The following ME3 variants were observed in gnomAD, a reference collection of about 807,000 sequenced individuals.
The protein encoded by ME3 is NADP-dependent malic enzyme, mitochondrial.
In ME3, 48 loss-of-function variants were observed where a neutral mutation model predicts 68.9. The ratio of observed to expected loss-of-function variants is 0.70; its 90% confidence interval spans 0.55 to 0.89. ME3 has a LOEUF of 0.89. Ranked by LOEUF, ME3 falls within the 40% of genes least tolerant of loss-of-function variation. The probability of loss-of-function intolerance (pLI) is 0.00; values close to 1 mark genes in which losing one functional copy is unlikely to be tolerated. For synonymous variants in ME3, 320 were observed against 318.8 expected, an observed-to-expected ratio of 1.00 and a Z score of -0.04; for missense variants, 675 against 797.4, an observed-to-expected ratio of 0.85 and a Z score of 1.85.
At chr11:86,612,036 T>C (rs150654741) in intron 2 of ME3, among the ~76,000 whole-genome samples, 3,677 of 152,234 alleles carry the variant, frequency 0.024, 132 homozygotes, top group African/African-American at 0.079. Context: ...GCTGCACCTA[T>C]TGACCCATCC....
chr11:86,649,421 T>C (rs1945250269), intron 2 of ME3, among the ~76,000 whole-genome samples: 1 of 152,204 alleles, frequency 6.6e-6, no homozygotes, highest in Admixed American at 6.5e-5. Context: ...GGATGCCCTC[T>C]CTCACCACTC....
exon 4 of ME3, chr11:86,556,699 G>A: frequency 1.9e-6 from 3 of 1,613,984 alleles, no homozygotes; most frequent in Non-Finnish European, 1.7e-6. Context: ...TGAGAATGAT[G>A]TACCTTGTAA....
chr11:86,547,381 C>T (rs1004582190), intron 4 of ME3, among the ~76,000 whole-genome samples: 3 of 147,242 alleles, frequency 2.0e-5, no homozygotes, highest in African/African-American at 7.5e-5. Flanking sequence ...AACACAGGAA[C>T]AGAAAACCAA....
chr11:86,461,702 C>T (rs1024406500), intron 8 of ME3, among the ~76,000 whole-genome samples: 2 of 152,180 alleles, frequency 1.3e-5, no homozygotes, highest in South Asian at 2.1e-4. Context: ...TGCTGACAGC[C>T]TTGCTGTCAG....
At chr11:86,643,156 TA>T (rs1326087251) in intron 2 of ME3, among the ~76,000 whole-genome samples, 1 of 152,176 alleles carries the variant, frequency 6.6e-6, no homozygotes, top group African/African-American at 2.4e-5. Context: ...TCATAGGGAA[TA>T]AATTCCTTCT....
At chr11:86,542,718 G>A (rs1956121679) in intron 4 of ME3, among the ~76,000 whole-genome samples, 1 of 152,166 alleles carries the variant, frequency 6.6e-6, no homozygotes, top group African/African-American at 2.4e-5. Context: ...GAACCAAGTT[G>A]GAAAACACTC....
intron 8 of ME3, among the ~76,000 whole-genome samples, chr11:86,452,383 T>C (rs772970555): frequency 2.0e-5 from 3 of 152,222 alleles, no homozygotes; most frequent in East Asian, 1.9e-4. Flanking sequence ...GGGAGGACTA[T>C]GTCTGAAGCT....
chr11:86,565,789 C>T (rs1957451733), intron 2 of ME3, among the ~76,000 whole-genome samples: 1 of 152,112 alleles, frequency 6.6e-6, no homozygotes. Context: ...TTGGCAGTGT[C>T]TTTCACAGAC....
exon 13 of ME3, chr11:86,446,448 C>A (rs1185184743): frequency 6.2e-7 from 1 of 1,614,108 alleles, no homozygotes; most frequent in Non-Finnish European, 8.5e-7. Context: ...TCCAGAGTCA[C>A]ACTCTTAAAA....
At chr11:86,456,417 G>A (rs745380480) in intron 8 of ME3, among the ~76,000 whole-genome samples, 3 of 152,260 alleles carry the variant, frequency 2.0e-5, no homozygotes, top group Non-Finnish European at 2.9e-5. Flanking sequence ...ACAGAAATTC[G>A]GTGCTGGATG....
chr11:86,514,351 A>G (rs574920886), intron 4 of ME3, among the ~76,000 whole-genome samples: 3 of 152,330 alleles, frequency 2.0e-5, no homozygotes, highest in Admixed American at 6.5e-5. Context: ...AAATGCAGAC[A>G]CTAACCCCTC....
At chr11:86,606,583 T>G (rs967194979) in intron 2 of ME3, among the ~76,000 whole-genome samples, 7 of 152,184 alleles carry the variant, frequency 4.6e-5, no homozygotes, top group African/African-American at 1.7e-4. Flanking sequence ...AAAATATTTC[T>G]GACAACCCCA....
chr11:86,670,043 G>A (rs1662777176), intron 2 of ME3, among the ~76,000 whole-genome samples: 1 of 152,120 alleles, frequency 6.6e-6, no homozygotes, highest in Admixed American at 6.5e-5. Flanking sequence ...AGATGGTGTG[G>A]GTGGCCCTAC....
intron 2 of ME3, among the ~76,000 whole-genome samples, chr11:86,671,139 C>A (rs1306380221): frequency 6.6e-6 from 1 of 152,176 alleles, no homozygotes; most frequent in Admixed American, 6.5e-5. Flanking sequence ...TAGCTGGTGA[C>A]CTTGGGCAAG....
intron 5 of ME3, among the ~76,000 whole-genome samples, chr11:86,499,350 C>G (rs1594192440): frequency 6.6e-6 from 1 of 152,164 alleles, no homozygotes; most frequent in Non-Finnish European, 1.5e-5. Context: ...TTGTAGGCCA[C>G]TCTCACCTGC....
intron 2 of ME3, among the ~76,000 whole-genome samples, chr11:86,640,153 C>T (rs1016857441): frequency 2.6e-5 from 4 of 152,308 alleles, no homozygotes; most frequent in African/African-American, 9.6e-5. Context: ...GAAGCGGAGA[C>T]AACAAAAATA....
intron 2 of ME3, among the ~76,000 whole-genome samples, chr11:86,653,137 A>T (rs552982609): frequency 6.6e-6 from 1 of 152,142 alleles, no homozygotes; most frequent in Non-Finnish European, 1.5e-5. Flanking sequence ...CTCCCACACA[A>T]TAATAATGGG....
At chr11:86,456,199 G>A (rs186755942) in intron 8 of ME3, among the ~76,000 whole-genome samples, 4 of 152,176 alleles carry the variant, frequency 2.6e-5, no homozygotes, top group Non-Finnish European at 4.4e-5. Flanking sequence ...ATTGGCTAGC[G>A]GGAGTTTTCT....
chr11:86,553,596 C>T (rs1594418863), intron 4 of ME3, among the ~76,000 whole-genome samples: 1 of 152,166 alleles, frequency 6.6e-6, no homozygotes, highest in Non-Finnish European at 1.5e-5. Flanking sequence ...TGTCAGATAA[C>T]TTAATTGGGT....
Sources: gnomAD v4.1 joint callset for allele counts (sites outside exome capture counted in the v4.1 genomes callset) on GRCh38, gnomAD v4.1.1 for gene constraint, MANE v1.5 for transcripts, NCBI Gene and HGNC (gene_info 2026-07-23, HGNC 2026-07-21) for gene names.